Variants in GPC6 observed in about 807,000 individuals in gnomAD.
The protein encoded by GPC6 is glypican-6.
GPC6 carries 14 observed loss-of-function variants against 55.2 expected under a neutral mutation model. The observed-to-expected ratio is 0.25, with a 90% CI of 0.17 to 0.40. GPC6 has a LOEUF of 0.40. Ranked by LOEUF, GPC6 falls within the 10% of genes least tolerant of loss-of-function variation. The pLI is 1.00. For missense variants in GPC6, 641 were observed against 708.5 expected (o/e 0.90, Z 1.08); for synonymous variants, 278 against 259.6 (o/e 1.07, Z -0.68).
At chr13:93,652,875 A>C (rs1416802214) in intron 2 of GPC6, among the ~76,000 whole-genome samples, 1 of 152,240 alleles carries the variant, frequency 6.6e-6, no homozygotes, top group South Asian at 2.1e-4. Context: ...GTATAAAAAT[A>C]CATCTGCCAA....
chr13:93,935,921 C>T (rs1225213876), intron 3 of GPC6, among the ~76,000 whole-genome samples: 1 of 152,092 alleles, frequency 6.6e-6, no homozygotes. Flanking sequence ...GTGCCCAGGG[C>T]TCTGGATTTT....
chr13:94,020,476 G>C (rs1882654248), intron 3 of GPC6, among the ~76,000 whole-genome samples: 1 of 152,096 alleles, frequency 6.6e-6, no homozygotes, highest in Admixed American at 6.6e-5. Context: ...AGATTCCAGT[G>C]TTCTGAAAAG....
At chr13:93,706,000 C>T (rs983912027) in intron 2 of GPC6, among the ~76,000 whole-genome samples, 16 of 151,758 alleles carry the variant, frequency 1.1e-4, no homozygotes, top group African/African-American at 3.9e-4. Flanking sequence ...TGGGGAGGCT[C>T]AGTAAGTCTA....
rs541028021 is a variant in GPC6 at position 94,299,228 on chromosome 13, C to T, written c.1009-6752C>T. Among the ~76,000 whole-genome samples, 520 of 152,320 alleles carry T rather than the reference C, an allele frequency of 3.4e-3. 1 individual carries two copies. Among genetic ancestry groups the T allele is most frequent in the Non-Finnish European group, 6.2e-3 (422 of 68,026 alleles). The stretch of plus-strand genomic sequence containing the variant: ...TATTATTCTATTTAATTACAGATTA[C>T]TTACTTAAAATAAGGCACCATTATA... On this transcript the variant is annotated intron_variant, in intron 5 of 8. Transcript: ENST00000377047.
intron 1 of GPC6, among the ~76,000 whole-genome samples, chr13:93,464,687 A>G (rs1878842518): frequency 6.6e-6 from 1 of 152,184 alleles, no homozygotes; most frequent in South Asian, 2.1e-4. Flanking sequence ...GAGGGTTGGA[A>G]TCAAATTCTT....
intron 2 of GPC6, among the ~76,000 whole-genome samples, chr13:93,802,181 C>T (rs1226266358): frequency 6.6e-6 from 1 of 151,912 alleles, no homozygotes; most frequent in Non-Finnish European, 1.5e-5. Context: ...TATCATTATA[C>T]AGTTTATGCC....
intron 1 of GPC6, among the ~76,000 whole-genome samples, chr13:93,340,098 C>G (rs1276612759): frequency 7.5e-6 from 1 of 133,262 alleles, no homozygotes; most frequent in East Asian, 2.2e-4. Context: ...TGCAGTGGCG[C>G]GATCTCGGCT....
intron 2 of GPC6, among the ~76,000 whole-genome samples, chr13:93,824,869 T>G (rs1023533495): frequency 1.3e-5 from 2 of 152,096 alleles, no homozygotes; most frequent in African/African-American, 4.8e-5. Context: ...GATCTATTCA[T>G]TCATTCACTA....
At chr13:94,048,702 C>T (rs997574635) in intron 4 of GPC6, among the ~76,000 whole-genome samples, 2 of 151,870 alleles carry the variant, frequency 1.3e-5, no homozygotes, top group Non-Finnish European at 2.9e-5. Flanking sequence ...GGTCTGGTCG[C>T]AGGAGGCAAT....
At chr13:93,935,365 G>C (rs1878384082) in intron 3 of GPC6, among the ~76,000 whole-genome samples, 1 of 152,054 alleles carries the variant, frequency 6.6e-6, no homozygotes, top group African/African-American at 2.4e-5. Flanking sequence ...TGAAATATTT[G>C]ATTTTCTGTT....
intron 2 of GPC6, among the ~76,000 whole-genome samples, chr13:93,767,739 T>A (rs1470814612): frequency 6.6e-6 from 1 of 152,140 alleles, no homozygotes; most frequent in African/African-American, 2.4e-5. Context: ...ACCACCATCT[T>A]AGTGTTTAGC....
chr13:93,578,195 A>G (rs1349274659), intron 2 of GPC6, among the ~76,000 whole-genome samples: 1 of 152,108 alleles, frequency 6.6e-6, no homozygotes, highest in Non-Finnish European at 1.5e-5. Flanking sequence ...TGGTTTTGGT[A>G]TCAGGGTAAT....
intron 1 of GPC6, among the ~76,000 whole-genome samples, chr13:93,423,578 C>T (rs755060706): frequency 2.6e-5 from 4 of 151,980 alleles, no homozygotes; most frequent in Non-Finnish European, 5.9e-5. Context: ...TTTAAATGTG[C>T]TTATTTTTTC....
At chr13:93,983,980 G>GA (rs1566634205) in intron 3 of GPC6, among the ~76,000 whole-genome samples, 2 of 151,842 alleles carry the variant, frequency 1.3e-5, no homozygotes. Context: ...AAATTGAAAA[G>GA]AAAAAAATGG....
intron 2 of GPC6, among the ~76,000 whole-genome samples, chr13:93,552,324 G>T (rs940366615): frequency 1.3e-5 from 2 of 152,144 alleles, no homozygotes; most frequent in African/African-American, 2.4e-5. Flanking sequence ...AATCACAAAC[G>T]CCTTTCAAGC....
At chr13:93,421,883 C>A (rs543530446) in intron 1 of GPC6, among the ~76,000 whole-genome samples, 14 of 152,158 alleles carry the variant, frequency 9.2e-5, no homozygotes, top group Non-Finnish European at 1.8e-4. Flanking sequence ...ACATTTGCTT[C>A]ATATGCACAG....
At chr13:93,538,981 A>G (rs529266449) in intron 1 of GPC6, among the ~76,000 whole-genome samples, 10 of 150,924 alleles carry the variant, frequency 6.6e-5, no homozygotes, top group African/African-American at 2.4e-4. Context: ...CACATTGTTC[A>G]GGTTAGTTAC....
At chr13:93,577,655 A>G (rs1465172196) in intron 2 of GPC6, among the ~76,000 whole-genome samples, 1 of 152,034 alleles carries the variant, frequency 6.6e-6, no homozygotes, top group East Asian at 1.9e-4. Flanking sequence ...ATACAAGGCT[A>G]ATTTGACTTC....
At chr13:93,913,277 G>A (rs1432752172) in intron 3 of GPC6, among the ~76,000 whole-genome samples, 4 of 152,200 alleles carry the variant, frequency 2.6e-5, no homozygotes, top group Non-Finnish European at 5.9e-5. Flanking sequence ...CGAGGAATGT[G>A]CCGGAAGATG....
Sources: gnomAD v4.1 joint callset for allele counts (sites outside exome capture counted in the v4.1 genomes callset) on GRCh38, gnomAD v4.1.1 for gene constraint, MANE v1.5 for transcripts, NCBI Gene and HGNC (gene_info 2026-07-23, HGNC 2026-07-21) for gene names.